The following EYS variants were observed in gnomAD, a reference collection of about 807,000 sequenced individuals.
EYS encodes the protein protein eyes shut homolog.
In EYS, 250 loss-of-function variants were observed where a neutral mutation model predicts 282.1. The ratio of observed to expected loss-of-function variants is 0.89; its 90% CI spans 0.80 to 0.98. The LOEUF (loss-of-function observed/expected upper bound fraction) is 0.98. EYS is among the 50% of genes least tolerant of loss of function. The pLI, the probability that EYS is intolerant of heterozygous loss-of-function variation, is 0.00. For synonymous variants in EYS, 1,355 were observed against 1,282.9 expected, an observed-to-expected ratio of 1.06 and a Z score of -1.20; for missense variants, 4,016 against 3,709.0, an observed-to-expected ratio of 1.08 and a Z score of -2.15.
intron 12 of EYS, among the ~76,000 whole-genome samples, chr6:65,107,106 A>G (rs1420275246): frequency 6.6e-6 from 1 of 151,994 alleles, no homozygotes; most frequent in Non-Finnish European, 1.5e-5. Context: ...GGGATACAGG[A>G]GAAAAAAAAA....
At chr6:64,629,046 A>C (rs549591225) in intron 22 of EYS, among the ~76,000 whole-genome samples, 35 of 152,312 alleles carry the variant, frequency 2.3e-4, no homozygotes, top group African/African-American at 8.2e-4. Flanking sequence ...CTGTTCAAGA[A>C]TCCTATTCAG....
At chr6:64,328,833 G>C (rs77564371) in intron 29 of EYS, among the ~76,000 whole-genome samples, 4,732 of 152,218 alleles carry the variant, frequency 0.031, 232 homozygotes, top group African/African-American at 0.11. Flanking sequence ...TAGAGGACAA[G>C]CTAGGTAAAA....
intron 11 of EYS, among the ~76,000 whole-genome samples, chr6:65,334,450 TG>T (rs1769906508): frequency 2.0e-5 from 3 of 151,712 alleles, no homozygotes; most frequent in South Asian, 4.1e-4. Context: ...TTAAGTTTTT[TG>T]TAGAGACAAA....
chr6:63,783,682 C>T (rs189705122), intron 39 of EYS, among the ~76,000 whole-genome samples: 1 of 152,248 alleles, frequency 6.6e-6, no homozygotes, highest in Admixed American at 6.5e-5. Flanking sequence ...AGAGTGGGCT[C>T]TCATTGAGGA....
At chr6:65,620,690 A>C (rs1158524299) in intron 2 of EYS, among the ~76,000 whole-genome samples, 1 of 150,880 alleles carries the variant, frequency 6.6e-6, no homozygotes, top group East Asian at 1.9e-4. Flanking sequence ...GTGGGCATTT[A>C]GTGCTATAAA....
intron 12 of EYS, among the ~76,000 whole-genome samples, chr6:65,276,739 T>A (rs2150270939): frequency 1.4e-5 from 2 of 143,192 alleles, no homozygotes; most frequent in Middle Eastern, 3.8e-3. Context: ...TCAGCTGAGG[T>A]AGTTAATGAA....
intron 2 of EYS, among the ~76,000 whole-genome samples, chr6:65,601,266 A>G (rs529909532): frequency 3.9e-5 from 6 of 152,084 alleles, no homozygotes; most frequent in Admixed American, 3.3e-4. Flanking sequence ...TACATTAGCC[A>G]TATCTTTTCA....
chr6:64,620,465 GAACTCAATTATATTTGC>G (rs2149852133), intron 23 of EYS, among the ~76,000 whole-genome samples: 1 of 152,236 alleles, frequency 6.6e-6, no homozygotes, highest in Non-Finnish European at 1.5e-5. Context: ...CTTACTGGTG[GAACTCAATTATATTTGC>G]AACTCCAGTT....
At chr6:64,817,522 G>T (rs1764774198) in intron 21 of EYS, among the ~76,000 whole-genome samples, 1 of 152,104 alleles carries the variant, frequency 6.6e-6, no homozygotes, top group Non-Finnish European at 1.5e-5. Context: ...GGGGATACAT[G>T]TGCAGCCTTG....
chr6:65,248,087 G>T (rs975097478), intron 12 of EYS, among the ~76,000 whole-genome samples: 1 of 151,590 alleles, frequency 6.6e-6, no homozygotes, highest in Non-Finnish European at 1.5e-5. Flanking sequence ...ATTGTTGTTG[G>T]TTTTTTTTCC....
intron 29 of EYS, among the ~76,000 whole-genome samples, chr6:64,339,284 GA>G (rs1382034013): frequency 6.7e-6 from 1 of 149,384 alleles, no homozygotes; most frequent in Non-Finnish European, 1.5e-5. Context: ...ATATCAGTAA[GA>G]AAAAAAAAGC....
At chr6:65,097,332 A>G (rs1351614236) in intron 12 of EYS, among the ~76,000 whole-genome samples, 1 of 151,006 alleles carries the variant, frequency 6.6e-6, no homozygotes, top group Non-Finnish European at 1.5e-5. Flanking sequence ...TATGATCAAA[A>G]AACACAAGAT....
chr6:64,301,391 A>G (rs190387302), intron 30 of EYS, among the ~76,000 whole-genome samples: 67 of 152,258 alleles, frequency 4.4e-4, no homozygotes, highest in Admixed American at 2.1e-3. Context: ...AGGCAACAAG[A>G]TTGCATAGAC....
intron 28 of EYS, among the ~76,000 whole-genome samples, chr6:64,426,864 A>T (rs1774427326): frequency 6.6e-6 from 1 of 152,170 alleles, no homozygotes; most frequent in Non-Finnish European, 1.5e-5. Flanking sequence ...TTTAAGAATT[A>T]TTCTGTTTCT....
chr6:65,168,047 C>A (rs981830599), intron 12 of EYS, among the ~76,000 whole-genome samples: 18 of 150,794 alleles, frequency 1.2e-4, no homozygotes, highest in Admixed American at 2.0e-4. Flanking sequence ...TGCTTGCAGC[C>A]CTTGGGGACT....
intron 13 of EYS, among the ~76,000 whole-genome samples, chr6:65,020,107 A>G (rs1021566651): frequency 2.6e-5 from 4 of 152,104 alleles, no homozygotes; most frequent in Admixed American, 1.3e-4. Flanking sequence ...CAGCCAAACC[A>G]TGTCATTCTA....
In EYS at chr6:64,600,691, T is replaced by C. The variant is rs550617804; in HGVS notation, c.3685-7382A>G. ...CAGTGCCCCTAGGAAGGGGACTATG[T>C]TACATTTTCCACTGAATGGCCGGGG... On this transcript the variant is annotated intron_variant, in intron 24 of 42. Coordinates refer to ENST00000503581, the MANE Select transcript of EYS (RefSeq NM_001142800.2). Among the ~76,000 whole-genome samples the C allele has an allele frequency of 9.2e-5, 14 of 152,244 alleles. No homozygotes were observed. The East Asian group carries it at 2.5e-3, about 27-fold the overall frequency.
intron 31 of EYS, among the ~76,000 whole-genome samples, chr6:64,177,300 T>A (rs550154362): frequency 2.7e-4 from 41 of 150,558 alleles, no homozygotes; most frequent in Non-Finnish European, 4.6e-4. Context: ...AGAAAGCAAG[T>A]TAATTTCTTT....
intron 31 of EYS, among the ~76,000 whole-genome samples, chr6:64,089,494 T>G (rs969855812): frequency 1.3e-5 from 2 of 149,774 alleles, no homozygotes; most frequent in African/African-American, 4.9e-5. Context: ...GTACAAACAC[T>G]AAATATAATA....
Sources: allele counts gnomAD v4.1 joint callset (sites outside exome capture counted in the v4.1 genomes callset), GRCh38; gene constraint gnomAD v4.1.1; transcripts MANE v1.5; gene names NCBI Gene and HGNC (gene_info 2026-07-23, HGNC 2026-07-21).